The following RGS19 variants were observed in gnomAD, a reference collection of about 807,000 sequenced individuals.
RGS19 encodes the protein G alpha interacting protein.
RGS19 carries 9 observed loss-of-function variants against 22.0 expected under a neutral mutation model. That is an observed-to-expected ratio of 0.41 (90% CI 0.25 to 0.71). The LOEUF (loss-of-function observed/expected upper bound fraction) is 0.71. RGS19 is among the 30% of genes least tolerant of loss of function. RGS19 has a pLI of 0.32. For synonymous variants in RGS19, 130 were observed against 127.3 expected (o/e 1.02, Z -0.14); for missense variants, 256 against 307.1 (o/e 0.83, Z 1.24).
intron 3 of RGS19, 88 bp downstream of exon 3, chr20:64,076,437 C>T (rs4372965): frequency 7.0e-6 from 11 of 1,572,568 alleles, no homozygotes; most frequent in African/African-American, 1.4e-5. Flanking sequence ...GGGGATGCCT[C>T]GGAAGCCACC....
chr20:64,074,436 C>T, intron 4 of RGS19, 31 bp downstream of exon 4: 1 of 1,575,540 alleles, frequency 6.3e-7, no homozygotes, highest in Non-Finnish European at 8.6e-7. Context: ...GGGGCCCCCC[C>T]AGCACGCACA....
chr20:64,079,787 T>C (rs2059945375), upstream of RGS19: 1 of 150,492 alleles, frequency 6.6e-6, no homozygotes, highest in Non-Finnish European at 1.5e-5. The surrounding 1 kb of genome is among the most constrained non-coding windows in gnomAD (Gnocchi z 5.1). Context: ...GTGCGCCGGC[T>C]CCCGAAGCTC....
chr20:64,075,888 T>TC lies in RGS19; in HGVS notation c.152+636_152+637insG, dbSNP rs1292604742. Among the ~76,000 whole-genome samples the TC allele has an allele frequency of 1.3e-5, 2 of 150,250 alleles. No homozygotes were observed. The highest frequency in any genetic ancestry group is 3.0e-5 in the Non-Finnish European group (2 of 67,352). ...GCCTGTCTTTCTTTCTTTCTTTCTT[T>TC]TTTTTTTTTTGAGACGGAGTTTTGC... On this transcript the variant is annotated intron_variant, in intron 3 of 5. Coordinates refer to ENST00000395042, the MANE Select transcript of RGS19 (RefSeq NM_005873.3). This position sits in a 1 kb window ranked among gnomAD's most constrained non-coding sequence, Gnocchi z 4.6.
Position 64,074,235 on chromosome 20 carries a change from T to C in RGS19, c.371A>G (p.Glu124Gly). Reference protein sequence around the residue: ...EENMLFWLACEELKAEANQHV... With the variant: ...EENMLFWLACGELKAEANQHV... The stretch of plus-strand genomic sequence containing the variant: ...CTGGTTGGCCTCGGCCTTCAGCTCC[T>C]CGCAGGCCAACCAGAAGAGCATGTT... Residue 124 changes from glutamate (E) to glycine (G), a missense_variant, in exon 5 of 6, where the codon GAG (glutamate) becomes GGG (glycine). Transcript: ENST00000395042. The C allele has an allele frequency of 6.2e-7, 1 of 1,613,938 alleles. No homozygotes were observed.
At position 64,074,318 on chromosome 20, in the gene RGS19, G is replaced by A; in HGVS notation, c.288C>T (p.His96=). 1 of 1,612,696 alleles carries A rather than the reference G, an allele frequency of 6.2e-7. No homozygotes were observed. Among genetic ancestry groups the A allele is most frequent in the African/African-American group, 1.3e-5 (1 of 75,070 alleles). The part of the protein sequence containing the change: ...SWAQSFDKLM[H]SPAGRSVFRA... Reference sequence around the variant, plus strand: ...GGAACACGCTGCGTCCCGCTGGGCTGTGCATCAGCTTGTCAAAAGACTGCG... The same window carrying A: ...GGAACACGCTGCGTCCCGCTGGGCTATGCATCAGCTTGTCAAAAGACTGCG... The change falls in exon 5 of 6, where the codon CAC becomes CAT. Residue 96 remains histidine (H), a synonymous_variant. Transcript: ENST00000395042.
rs1024088900 is a variant in RGS19, at chr20:64,073,841, G to A, written c.*12C>T. On this transcript the variant is annotated 3_prime_UTR_variant, in exon 6 of 6. Transcript: ENST00000395042. Reference sequence around the variant, plus strand: ...CGTAGGAGGCGGCGGGGTCTGTGCTGCTGGGGGCGGCCTAGGCCTCGGAGG... The same window carrying A: ...CGTAGGAGGCGGCGGGGTCTGTGCTACTGGGGGCGGCCTAGGCCTCGGAGG... The A allele has an allele frequency of 1.3e-6, 2 of 1,599,000 alleles. No homozygotes were observed. The highest frequency in any genetic ancestry group is 1.7e-6 in the Non-Finnish European group (2 of 1,170,572).
chr20:64,074,090 C>T, intron 5 of RGS19, 46 bp from the exon 6 acceptor site: 1 of 1,603,020 alleles, frequency 6.2e-7, no homozygotes, highest in East Asian at 2.2e-5. Flanking sequence ...AGCTGCCTTC[C>T]CCACCTAGTG....
intron 1 of RGS19, 89 bp from the exon 2 acceptor site, chr20:64,077,043 T>G: frequency 3.0e-6 from 2 of 656,712 alleles, no homozygotes; most frequent in South Asian, 2.5e-5. Flanking sequence ...GGTGTCTCCC[T>G]AGCGGGGCCT....
At position 64,075,238 on chromosome 20, in the gene RGS19, C is replaced by A. The variant is rs565261496; in HGVS notation, c.153-697G>T. 6.6e-6 allele frequency among the ~76,000 whole-genome samples: 1 copy of A among 152,238 alleles called. No individual in the cohort carries two copies. The highest frequency in any genetic ancestry group is 2.4e-5 in the African/African-American group (1 of 41,474). ...TCCCTGTCCCACCGATGGGGTCACA[C>A]GCTGCAGGTCTGGCGTGTCAGCAGT... On this transcript the variant is annotated intron_variant, in intron 3 of 5. Coordinates refer to ENST00000395042, the MANE Select transcript of RGS19 (RefSeq NM_005873.3). This position sits in a 1 kb window ranked among gnomAD's most constrained non-coding sequence, Gnocchi z 4.6.
intron 1 of RGS19, among the ~76,000 whole-genome samples, chr20:64,077,714 G>A (rs1421749128): frequency 6.6e-6 from 1 of 152,204 alleles, no homozygotes; most frequent in Non-Finnish European, 1.5e-5. Context: ...CTCCCCAGTC[G>A]AAGCCTCGGA....
intron 2 of RGS19, 53 bp downstream of exon 2, chr20:64,076,792 GGCCCCTCAGCTT>G: frequency 6.4e-7 from 1 of 1,560,340 alleles, no homozygotes; most frequent in Non-Finnish European, 8.7e-7. Flanking sequence ...AGCTCCTTGT[GGCCCCTCAGCTT>G]GCCCCACCCC....
chr20:64,076,677 A>C (rs764707459), intron 2 of RGS19, 31 bp from the exon 3 acceptor site: 18 of 1,575,816 alleles, frequency 1.1e-5, no homozygotes, highest in Non-Finnish European at 1.6e-5. Context: ...CTCAGCTTTC[A>C]GGTCAGAACC....
chr20:64,079,418 G>A lies in RGS19; in HGVS notation c.-193C>T, dbSNP rs1490363405. On this transcript the variant is annotated 5_prime_UTR_variant, in exon 1 of 6. Coordinates refer to ENST00000395042, the MANE Select transcript of RGS19 (RefSeq NM_005873.3). The surrounding 1 kb of genome is among the most constrained non-coding windows in gnomAD (Gnocchi z 5.1). ...GTCAGACGGCAGGAGGGACTCCTGC[G>A]GCGCTCTGGAGGGAGGCTAGCGCCA... is the stretch of plus-strand genomic sequence containing the variant. 2.6e-5 allele frequency: 4 copies of A among 151,982 alleles called. No homozygotes were observed. The highest frequency in any genetic ancestry group is 4.4e-5 in the Non-Finnish European group (3 of 67,956). The allele number at this position is 151,982 out of a possible 1,614,324, so 9.4% of individuals were successfully genotyped here. A position where few individuals can be genotyped will look rare whatever the true frequency, so the allele number is the denominator to read the frequency against.
In RGS19 at chr20:64,076,971, A is replaced by G. The variant is rs532367180; in HGVS notation, c.-68-17T>C. 3.9e-6 allele frequency: 5 copies of G among 1,286,142 alleles called. No homozygotes were observed. Among genetic ancestry groups the G allele is most frequent in the Non-Finnish European group, 5.2e-6 (5 of 964,310 alleles). The allele number at this position is 1,286,142 out of a possible 1,614,324, so 79.7% of individuals were successfully genotyped here. A position where few individuals can be genotyped will look rare whatever the true frequency, so the allele number is the denominator to read the frequency against. On this transcript the variant is annotated splice_polypyrimidine_tract_variant and intron_variant, in intron 1 of 5. Transcript: ENST00000395042. ...CCTGGGGGTCTGGGGAGAGGGGCCA[A>G]GGTTCTGACTGAGAACCTGAAACCC...
At position 64,075,743 on chromosome 20, in the gene RGS19, CTCT is replaced by C. The variant is rs920716535; in HGVS notation, c.152+779_152+781del. ...GAGACGTCCCCGCCACCGCCCCCTG[CTCT>C]TCTTCCCCCACGCATGCTGTCCGGG... On this transcript the variant is annotated intron_variant, in intron 3 of 5. Transcript: ENST00000395042. The surrounding 1 kb of genome is among the most constrained non-coding windows in gnomAD (Gnocchi z 4.6). Among the ~76,000 whole-genome samples the C allele has an allele frequency of 6.6e-6, 1 of 152,176 alleles. No homozygotes were observed. The highest frequency in any genetic ancestry group is 6.5e-5 in the Admixed American group (1 of 15,286).
In RGS19 at chr20:64,074,138, G is replaced by A; in HGVS notation, c.462+6C>T. ...GGCCCCCGGCCTGTTCTGGTGTCTGGCGCACCTCCTTGGGGGACAGGATGG... is the reference window on the plus strand; with the variant it reads ...GGCCCCCGGCCTGTTCTGGTGTCTGACGCACCTCCTTGGGGGACAGGATGG... On this transcript the variant is annotated splice_donor_region_variant and intron_variant, in intron 5 of 5. Coordinates refer to ENST00000395042, the MANE Select transcript of RGS19 (RefSeq NM_005873.3). 1 of 1,610,838 alleles carries A rather than the reference G, an allele frequency of 6.2e-7. No individual in the cohort carries two copies.
In RGS19 at chr20:64,073,845, G is replaced by A. The variant is rs566485649; in HGVS notation, c.*8C>T. On this transcript the variant is annotated 3_prime_UTR_variant, in exon 6 of 6. Coordinates refer to ENST00000395042, the MANE Select transcript of RGS19 (RefSeq NM_005873.3). The stretch of plus-strand genomic sequence containing the variant: ...GGAGGCGGCGGGGTCTGTGCTGCTG[G>A]GGGCGGCCTAGGCCTCGGAGGAGGA... 3.1e-6 allele frequency: 5 copies of A among 1,600,492 alleles called. No individual in the cohort carries two copies. In the African/African-American group the frequency reaches 6.7e-5, roughly 21 times the overall value.
At position 64,073,662 on chromosome 20, in the gene RGS19, G is replaced by C. The variant is rs1432683944; in HGVS notation, c.*191C>G. The C allele has an allele frequency of 1.4e-5, 8 of 568,304 alleles. No individual in the cohort carries two copies. Among genetic ancestry groups the C allele is most frequent in the African/African-American group, 3.8e-5 (2 of 53,136 alleles). 35.2% of individuals were successfully genotyped at this position (568,304 alleles called of 1,614,324 possible). On this transcript the variant is annotated 3_prime_UTR_variant, in exon 6 of 6. Coordinates refer to ENST00000395042, the MANE Select transcript of RGS19 (RefSeq NM_005873.3). Reference sequence around the variant, plus strand: ...GCACCTGGAGGCCCGCCCTGCACCTGGAGTTCCTGCTTGGCCACGGGTGGG... The same window carrying C: ...GCACCTGGAGGCCCGCCCTGCACCTCGAGTTCCTGCTTGGCCACGGGTGGG...
rs71333734 is a variant in RGS19, at chr20:64,075,885, CTTTTT to C, written c.152+635_152+639del. On this transcript the variant is annotated intron_variant, in intron 3 of 5. Coordinates refer to ENST00000395042, the MANE Select transcript of RGS19 (RefSeq NM_005873.3). This position sits in a 1 kb window ranked among gnomAD's most constrained non-coding sequence, Gnocchi z 4.6. Reference sequence around the variant, plus strand: ...TGTGCCTGTCTTTCTTTCTTTCTTTCTTTTTTTTTTTTTGAGACGGAGTTTTGCTC... The same window carrying C: ...TGTGCCTGTCTTTCTTTCTTTCTTTCTTTTTTTTGAGACGGAGTTTTGCTC... Among the ~76,000 whole-genome samples, 4 of 83,260 alleles carry C rather than the reference CTTTTT, an allele frequency of 4.8e-5. No individual in the cohort carries two copies. Among genetic ancestry groups the C allele is most frequent in the Non-Finnish European group, 1.2e-4 (4 of 33,748 alleles). The allele number at this position is 83,260 out of a possible 152,430, so 54.6% of individuals were successfully genotyped here.
Sources: allele counts gnomAD v4.1 joint callset (sites outside exome capture counted in the v4.1 genomes callset), GRCh38; gene constraint gnomAD v4.1.1; non-coding constraint Gnocchi (gnomAD v3.1); transcripts MANE v1.5; gene names NCBI Gene and HGNC (gene_info 2026-07-23, HGNC 2026-07-21).